PPP2R5E: variants seen among roughly 807,000 people sequenced by gnomAD.
The protein encoded by PPP2R5E is protein phosphatase 2 regulatory subunit B'epsilon.
A neutral mutation model predicts 65.3 loss-of-function variants in PPP2R5E; 4 were observed. That is an observed-to-expected ratio of 0.06 (90% confidence interval 0.03 to 0.14). PPP2R5E has a LOEUF of 0.14. Among genes scored for constraint, PPP2R5E ranks in the 10% least tolerant of loss-of-function variants. PPP2R5E has a pLI of 1.00. For synonymous variants in PPP2R5E, 183 were observed against 187.4 expected, an observed-to-expected ratio of 0.98 and a Z score of 0.19; for missense variants, 274 against 556.1, an observed-to-expected ratio of 0.49 and a Z score of 5.10.
chr14:63,541,574 C>A (rs1249020648), intron 1 of PPP2R5E, among the ~76,000 whole-genome samples: 1 of 152,144 alleles, frequency 6.6e-6, no homozygotes, highest in Non-Finnish European at 1.5e-5. Flanking sequence ...ATGGCAGACT[C>A]GGATAGAAAG....
chr14:63,497,380 C>T (rs7157791), intron 2 of PPP2R5E, among the ~76,000 whole-genome samples: 6,454 of 152,184 alleles, frequency 0.042, 431 homozygotes, highest in African/African-American at 0.14. Context: ...TGACTACAAG[C>T]ATCATCTCTG....
chr14:63,461,610 A>T (rs1348935881), intron 2 of PPP2R5E, among the ~76,000 whole-genome samples: 1 of 150,872 alleles, frequency 6.6e-6, no homozygotes, highest in Non-Finnish European at 1.5e-5. Context: ...TAGCCTAGGC[A>T]ACACAGCGAG....
At position 63,372,443 on chromosome 14, in the gene PPP2R5E, T is replaced by C. The variant is rs1215436450; in HGVS notation, c.*3566A>G. 6 of 152,202 alleles carry C rather than the reference T, an allele frequency of 3.9e-5. No homozygotes were observed. Among genetic ancestry groups the C allele is most frequent in the Non-Finnish European group, 5.9e-5 (4 of 68,032 alleles). The allele number at this position is 152,202 out of a possible 1,614,324, so 9.4% of individuals were successfully genotyped here. On this transcript the variant is annotated 3_prime_UTR_variant, in exon 14 of 14. Transcript: ENST00000337537. ...TGTGCAAATAAAACATCAGTGATCA[T>C]GTCTGGTGCCACCTTTTTGTTACAG...
Position 63,513,525 on chromosome 14 carries a change from G to C in PPP2R5E, c.157+26004C>G, listed in dbSNP as rs564096946. Among the ~76,000 whole-genome samples the C allele has an allele frequency of 6.6e-5, 10 of 152,240 alleles. 2 individuals are homozygous for C. The highest frequency in any genetic ancestry group is 2.4e-4 in the African/African-American group (10 of 41,546). ...CACACTAATGAAGGGATAAAAACAT[G>C]GAGAACCTAAAATTCACTTCCTGCA... is the stretch of plus-strand genomic sequence containing the variant. On this transcript the variant is annotated intron_variant, in intron 2 of 13. Transcript: ENST00000337537.
At chr14:63,523,719 A>G (rs932827128) in intron 2 of PPP2R5E, among the ~76,000 whole-genome samples, 6 of 140,682 alleles carry the variant, frequency 4.3e-5, no homozygotes, top group African/African-American at 1.6e-4. Context: ...AAATAAATTA[A>G]AAAAAAAAAC....
At chr14:63,500,906 G>GT (rs1466372950) in intron 2 of PPP2R5E, among the ~76,000 whole-genome samples, 1 of 151,858 alleles carries the variant, frequency 6.6e-6, no homozygotes. Context: ...ACATCCTAGC[G>GT]TAACAGCAGC....
chr14:63,498,604 C>CTGGA (rs1217741436), intron 2 of PPP2R5E, among the ~76,000 whole-genome samples: 2 of 151,778 alleles, frequency 1.3e-5, no homozygotes. Flanking sequence ...GTCACCCAGG[C>CTGGA]TGGAGCGAGA....
intron 2 of PPP2R5E, among the ~76,000 whole-genome samples, chr14:63,475,625 G>A (rs1470528737): frequency 6.6e-6 from 1 of 151,962 alleles, no homozygotes; most frequent in Non-Finnish European, 1.5e-5. Flanking sequence ...ATAATACATT[G>A]AAGACTAACA....
At chr14:63,407,082 G>A (rs1168482684) in intron 5 of PPP2R5E, among the ~76,000 whole-genome samples, 1 of 152,180 alleles carries the variant, frequency 6.6e-6, no homozygotes, top group African/African-American at 2.4e-5. Context: ...CTGAGAGTTT[G>A]TATAGGTATT....
chr14:63,484,387 A>ACACAC (rs1566736526), intron 2 of PPP2R5E, among the ~76,000 whole-genome samples: 1 of 150,650 alleles, frequency 6.6e-6, no homozygotes, highest in Non-Finnish European at 1.5e-5. Flanking sequence ...ACACACACAC[A>ACACAC]AAGAATCGTA....
intron 1 of PPP2R5E, among the ~76,000 whole-genome samples, chr14:63,542,241 G>A (rs562119116): frequency 6.6e-6 from 1 of 152,256 alleles, no homozygotes; most frequent in Non-Finnish European, 1.5e-5. Context: ...GGTAACAGCG[G>A]GTCCGTGCAA....
At chr14:63,488,737 T>G (rs1891131489) in intron 2 of PPP2R5E, among the ~76,000 whole-genome samples, 1 of 151,842 alleles carries the variant, frequency 6.6e-6, no homozygotes. Flanking sequence ...TAGTCCCAGC[T>G]ACTCGGAAGG....
At chr14:63,491,214 T>C (rs1266205896) in intron 2 of PPP2R5E, among the ~76,000 whole-genome samples, 1 of 150,112 alleles carries the variant, frequency 6.7e-6, no homozygotes, top group East Asian at 1.9e-4. Flanking sequence ...CAATAAACAC[T>C]GGGGACTTTA....
intron 2 of PPP2R5E, 133 bp from the exon 3 acceptor site, chr14:63,454,018 T>C (rs1888991837): frequency 3.1e-6 from 2 of 651,228 alleles, no homozygotes; most frequent in East Asian, 6.0e-5. Context: ...TTTTTCACAG[T>C]TACACATGGG....
At position 63,399,366 on chromosome 14, in the gene PPP2R5E, C is replaced by CTTTCTTTTT. The variant is rs1885604828; in HGVS notation, c.550-2651_550-2650insAAAAAGAAA. Among the ~76,000 whole-genome samples the CTTTCTTTTT allele has an allele frequency of 8.0e-4, 39 of 48,528 alleles. 1 individual carries two copies. The highest frequency in any genetic ancestry group is 1.2e-3 in the Non-Finnish European group (34 of 27,610). The allele number at this position is 48,528 out of a possible 152,430, so 31.8% of individuals were successfully genotyped here. A position where few individuals can be genotyped will look rare whatever the true frequency, so the allele number is the denominator to read the frequency against. On this transcript the variant is annotated intron_variant, in intron 5 of 13. Transcript: ENST00000337537. ...GCTACTAATAGGTCTGGATTTCTTTCTTTTTTTTTTTTTTTTTTTTTTTTT... is the reference window on the plus strand; with the variant it reads ...GCTACTAATAGGTCTGGATTTCTTTCTTTCTTTTTTTTTTTTTTTTTTTTTTTTTTTTTT...
chr14:63,490,223 A>C (rs914858887), intron 2 of PPP2R5E, among the ~76,000 whole-genome samples: 1 of 152,094 alleles, frequency 6.6e-6, no homozygotes, highest in African/African-American at 2.4e-5. Flanking sequence ...AAAACTGGCT[A>C]ACCATATGCA....
intron 2 of PPP2R5E, among the ~76,000 whole-genome samples, chr14:63,494,470 G>A (rs1891438733): frequency 6.6e-6 from 1 of 151,718 alleles, no homozygotes; most frequent in African/African-American, 2.4e-5. Flanking sequence ...CCTGACTTCA[G>A]GTGATCTGCC....
intron 2 of PPP2R5E, among the ~76,000 whole-genome samples, chr14:63,502,437 G>A (rs889096111): frequency 4.6e-5 from 7 of 152,132 alleles, no homozygotes; most frequent in African/African-American, 1.7e-4. Flanking sequence ...CAGAACTTTA[G>A]GAGGCCGAGG....
chr14:63,446,675 A>G (rs563420394), intron 3 of PPP2R5E, among the ~76,000 whole-genome samples: 1 of 151,998 alleles, frequency 6.6e-6, no homozygotes, highest in East Asian at 1.9e-4. Flanking sequence ...TAAAAATACA[A>G]AAAATTATCT....
Sources: gnomAD v4.1 joint callset for allele counts (sites outside exome capture counted in the v4.1 genomes callset) on GRCh38, gnomAD v4.1.1 for gene constraint, MANE v1.5 for transcripts, NCBI Gene and HGNC (gene_info 2026-07-23, HGNC 2026-07-21) for gene names.